Variants in WASF1 observed in about 807,000 individuals in gnomAD.
WASF1 encodes actin-binding protein WASF1.
In WASF1, 7 loss-of-function variants were observed where a neutral mutation model predicts 50.5. The observed-to-expected ratio is 0.14, with a 90% confidence interval of 0.08 to 0.26. The LOEUF is 0.26. Ranked by LOEUF, WASF1 falls within the 10% of genes least tolerant of loss-of-function variation. The pLI is 1.00. For missense variants in WASF1, 470 were observed against 694.7 expected (o/e 0.68, Z 3.64); for synonymous variants, 205 against 244.0 (o/e 0.84, Z 1.49).
At chr6:110,106,856 C>A (rs536124844) in intron 7 of WASF1, among the ~76,000 whole-genome samples, 1 of 152,288 alleles carries the variant, frequency 6.6e-6, no homozygotes, top group Admixed American at 6.5e-5. Flanking sequence ...TTTATGCATA[C>A]CTCTGCTATG....
chr6:110,100,911 T>C (rs985433778), intron 10 of WASF1, among the ~76,000 whole-genome samples: 2 of 152,186 alleles, frequency 1.3e-5, no homozygotes, highest in African/African-American at 2.4e-5. Flanking sequence ...AGTTTATTTA[T>C]CCATCATGGT....
rs747256342 is a variant in WASF1 at position 110,101,654 on chromosome 6, G to A, written c.1456C>T (p.Arg486Cys). Reference protein sequence around the residue: ...SQVIPASEPKRHPSTLPVISD... With the variant: ...SQVIPASEPKCHPSTLPVISD... ...ATTACAGGTAGGGTTGATGGATGGCGCTTTGGCTCAGAAGCAGGTATAACT... is the reference window on the plus strand; with the variant it reads ...ATTACAGGTAGGGTTGATGGATGGCACTTTGGCTCAGAAGCAGGTATAACT... Residue 486 changes from arginine (R) to cysteine (C), a missense_variant, in exon 10 of 11, where the codon CGC (arginine) becomes TGC (cysteine). Arg to Cys is a radical substitution (Grantham distance 180, BLOSUM62 -3). Coordinates refer to ENST00000392589, the MANE Select transcript of WASF1 (RefSeq NM_003931.3). 14 of 1,613,946 alleles carry A rather than the reference G, an allele frequency of 8.7e-6. No individual in the cohort carries two copies. The highest frequency in any genetic ancestry group is 7.7e-5 in the South Asian group (7 of 91,082).
At chr6:110,154,264 C>T (rs966288251) in intron 3 of WASF1, among the ~76,000 whole-genome samples, 4 of 151,916 alleles carry the variant, frequency 2.6e-5, no homozygotes, top group Non-Finnish European at 4.4e-5. Context: ...TGGATTACAA[C>T]GATGTGAATG....
intron 2 of WASF1, among the ~76,000 whole-genome samples, chr6:110,169,086 T>C (rs527429756): frequency 1.6e-4 from 24 of 152,244 alleles, no homozygotes; most frequent in Middle Eastern, 3.4e-3. Flanking sequence ...CTCTCCTTTT[T>C]CTTTCCACTA....
At chr6:110,106,647 T>G (rs992861597) in intron 7 of WASF1, among the ~76,000 whole-genome samples, 18 of 152,232 alleles carry the variant, frequency 1.2e-4, no homozygotes, top group African/African-American at 4.3e-4. Context: ...GTTTAGGATG[T>G]GCTCTGTAGC....
chr6:110,119,519 A>G (rs921264149), intron 4 of WASF1, among the ~76,000 whole-genome samples: 1 of 152,220 alleles, frequency 6.6e-6, no homozygotes, highest in Non-Finnish European at 1.5e-5. Flanking sequence ...ATAGACCAAT[A>G]ACAGGTTCTG....
At chr6:110,178,294 T>A (rs536996757) in intron 2 of WASF1, among the ~76,000 whole-genome samples, 1 of 152,264 alleles carries the variant, frequency 6.6e-6, no homozygotes, top group East Asian at 1.9e-4. Context: ...ACAAAAATGT[T>A]TCCTAACAGA....
At chr6:110,142,189 T>C (rs1044888802) in intron 3 of WASF1, among the ~76,000 whole-genome samples, 1 of 152,238 alleles carries the variant, frequency 6.6e-6, no homozygotes, top group African/African-American at 2.4e-5. Context: ...GATCATATCT[T>C]ACTCATTTCT....
intron 3 of WASF1, among the ~76,000 whole-genome samples, chr6:110,130,425 G>A (rs1256437855): frequency 6.6e-6 from 1 of 151,950 alleles, no homozygotes; most frequent in Non-Finnish European, 1.5e-5. Context: ...AACTTACATA[G>A]GCAACTTTAA....
chr6:110,155,190 G>A (rs943605696), intron 3 of WASF1, among the ~76,000 whole-genome samples: 3 of 151,804 alleles, frequency 2.0e-5, no homozygotes, highest in African/African-American at 7.3e-5. Flanking sequence ...TAAGTATCAG[G>A]GCTCTTACTA....
rs1369328252 is a variant in WASF1, at chr6:110,108,584, C to T, written c.366G>A (p.Gln122=). The T allele has an allele frequency of 9.9e-6, 16 of 1,613,884 alleles. No individual in the cohort carries two copies. Among genetic ancestry groups the T allele is most frequent in the Non-Finnish European group, 1.4e-5 (16 of 1,179,962 alleles). The change falls in exon 6 of 11, where the codon CAG becomes CAA. Residue 122 remains glutamine (Q), a synonymous_variant. Coordinates refer to ENST00000392589, the MANE Select transcript of WASF1 (RefSeq NM_003931.3). ...GCTGTTCACAAACATCGTACGTCTC[C>T]TGTAATGGAATAGGCAAAGTCTTGC... ...FDRKTLPIPL[Q]ETYDVCEQPP...
chr6:110,142,952 T>TAA (rs5879060), intron 3 of WASF1, among the ~76,000 whole-genome samples: 11,220 of 119,006 alleles, frequency 0.094, 707 homozygotes, highest in African/African-American at 0.14. Flanking sequence ...CCCAATGATG[T>TAA]AAAAAAAAAA....
At chr6:110,166,801 G>A (rs1776496546) in intron 2 of WASF1, among the ~76,000 whole-genome samples, 1 of 151,852 alleles carries the variant, frequency 6.6e-6, no homozygotes, top group Non-Finnish European at 1.5e-5. Flanking sequence ...TGCCTTCTTT[G>A]GCTGGCTGTT....
At chr6:110,135,644 A>G (rs1774912781) in intron 3 of WASF1, among the ~76,000 whole-genome samples, 2 of 150,846 alleles carry the variant, frequency 1.3e-5, no homozygotes, top group Non-Finnish European at 3.0e-5. Context: ...GTTACATTAT[A>G]TGGCAAAGGG....
intron 7 of WASF1, among the ~76,000 whole-genome samples, chr6:110,106,745 C>T (rs529287656): frequency 6.6e-6 from 1 of 152,228 alleles, no homozygotes; most frequent in African/African-American, 2.4e-5. Context: ...CCTTGGTACA[C>T]CTAACTCCTA....
At position 110,172,110 on chromosome 6, in the gene WASF1, T is replaced by G. The variant is rs187815165; in HGVS notation, c.-127+6488A>C. Among the ~76,000 whole-genome samples the G allele has an allele frequency of 2.0e-5, 3 of 152,338 alleles. No homozygotes were observed. In the East Asian group the frequency reaches 5.8e-4, roughly 29 times the overall value. ...GGAGTGTAAATTAGTTCAACCATTG[T>G]GGAAGACAGTGTGGCGATTCCTCAA... On this transcript the variant is annotated intron_variant, in intron 2 of 10. Transcript: ENST00000392589.
chr6:110,129,357 A>G (rs995218293), intron 3 of WASF1, among the ~76,000 whole-genome samples: 5 of 152,228 alleles, frequency 3.3e-5, no homozygotes, highest in Non-Finnish European at 4.4e-5. Context: ...CAAATCCAAC[A>G]TAAGTGGAGT....
chr6:110,108,410 C>CAG, intron 6 of WASF1, 118 bp downstream of exon 6: 2 of 1,013,326 alleles, frequency 2.0e-6, no homozygotes, highest in Non-Finnish European at 2.8e-6. Context: ...AGGTGGTGGA[C>CAG]AGAGAGGGCT....
chr6:110,101,303 T>C (rs1251862902), intron 10 of WASF1, among the ~76,000 whole-genome samples: 1 of 152,194 alleles, frequency 6.6e-6, no homozygotes, highest in East Asian at 1.9e-4. Context: ...AGGGTTTTAA[T>C]TAAATGTTCT....
Sources: allele counts gnomAD v4.1 joint callset (sites outside exome capture counted in the v4.1 genomes callset), GRCh38; gene constraint gnomAD v4.1.1; transcripts MANE v1.5; gene names NCBI Gene and HGNC (gene_info 2026-07-23, HGNC 2026-07-21).